SLC8A1: variants seen among roughly 807,000 people sequenced by gnomAD.
SLC8A1 encodes the protein sodium/calcium exchanger 1.
A neutral mutation model predicts 68.3 loss-of-function variants in SLC8A1; 18 were observed. That is an observed-to-expected ratio of 0.26 (90% CI 0.18 to 0.39). The LOEUF is 0.39. Among genes scored for constraint, SLC8A1 ranks in the 10% least tolerant of loss-of-function variants. The pLI is 1.00. For missense variants in SLC8A1, 985 were observed against 1,156.7 expected (o/e 0.85, Z 2.15); for synonymous variants, 475 against 415.5 (o/e 1.14, Z -1.74).
intron 2 of SLC8A1, among the ~76,000 whole-genome samples, chr2:40,276,988 T>C (rs1394949396): frequency 6.6e-6 from 1 of 152,218 alleles, no homozygotes; most frequent in Admixed American, 6.5e-5. Flanking sequence ...AATGAGATTC[T>C]ATGTATCAGC....
chr2:40,237,295 T>C (rs1207449128), intron 2 of SLC8A1, among the ~76,000 whole-genome samples: 4 of 152,094 alleles, frequency 2.6e-5, no homozygotes, highest in African/African-American at 9.7e-5. Context: ...TTGGAGGCTT[T>C]GCTCATTTCT....
intron 2 of SLC8A1, among the ~76,000 whole-genome samples, chr2:40,352,391 T>TA (rs1462304711): frequency 1.3e-5 from 2 of 152,172 alleles, no homozygotes; most frequent in African/African-American, 4.8e-5. Flanking sequence ...ATGGTTACCT[T>TA]ATGCTTCCCG....
chr2:40,224,035 T>C (rs1039485877), intron 2 of SLC8A1, among the ~76,000 whole-genome samples: 4 of 152,104 alleles, frequency 2.6e-5, no homozygotes, highest in Admixed American at 2.6e-4. Flanking sequence ...CAGCATGGTA[T>C]AGCCATAAAT....
At chr2:40,433,623 G>A (rs1172626542) in intron 1 of SLC8A1, among the ~76,000 whole-genome samples, 1 of 152,144 alleles carries the variant, frequency 6.6e-6, no homozygotes, top group East Asian at 1.9e-4. Context: ...TAAATAGTAG[G>A]TACTATTAGC....
chr2:40,176,006 A>G (rs2048407070), intron 3 of SLC8A1: 2 of 447,284 alleles, frequency 4.5e-6, no homozygotes, highest in African/African-American at 4.0e-5. Context: ...ATATCATCCC[A>G]GGAAACTGAC....
In SLC8A1 at chr2:40,280,989, T is replaced by C. The variant is rs79581873; in HGVS notation, c.1809-103134A>G. 4.6e-4 allele frequency among the ~76,000 whole-genome samples: 70 copies of C among 152,354 alleles called. No individual in the cohort carries two copies. In the East Asian group the frequency reaches 0.012, roughly 26 times the overall value. On this transcript the variant is annotated intron_variant, in intron 2 of 7. Transcript: ENST00000406785. ...AATTTTTATTGCTTATCTTTCCTGGTGGACTGTAGCCTACTAGAAGCAGGC... is the reference window on the plus strand; with the variant it reads ...AATTTTTATTGCTTATCTTTCCTGGCGGACTGTAGCCTACTAGAAGCAGGC...
exon 8 of SLC8A1, chr2:40,114,633 C>A (rs2035007960): frequency 6.5e-6 from 1 of 152,728 alleles, no homozygotes; most frequent in Admixed American, 6.5e-5. Context: ...GGCTCCATTC[C>A]ACTTTTATGC....
intron 2 of SLC8A1, among the ~76,000 whole-genome samples, chr2:40,331,889 G>A (rs947209542): frequency 2.5e-4 from 38 of 152,006 alleles, no homozygotes; most frequent in African/African-American, 8.2e-4. Context: ...CACCGTGACC[G>A]GCCTAGGATG....
intron 2 of SLC8A1, among the ~76,000 whole-genome samples, chr2:40,380,967 G>A (rs1389621300): frequency 6.6e-6 from 1 of 152,028 alleles, no homozygotes; most frequent in African/African-American, 2.4e-5. Context: ...CTGACTCACT[G>A]ATTTTCCACA....
intron 2 of SLC8A1, among the ~76,000 whole-genome samples, chr2:40,313,576 T>C (rs2074033401): frequency 6.6e-6 from 1 of 151,686 alleles, no homozygotes; most frequent in Non-Finnish European, 1.5e-5. Flanking sequence ...TGTGGTCAAT[T>C]TTTTTTTAAT....
At chr2:40,439,972 G>T (rs7349326) in intron 1 of SLC8A1, among the ~76,000 whole-genome samples, 89,916 of 151,904 alleles carry the variant, frequency 0.59, 29,453 homozygotes, top group East Asian at 0.93. Context: ...ATATTGTATA[G>T]TATATATTAC....
intron 2 of SLC8A1, among the ~76,000 whole-genome samples, chr2:40,300,522 AGCG>A: frequency 6.6e-6 from 1 of 152,308 alleles, no homozygotes; most frequent in Non-Finnish European, 1.5e-5. Flanking sequence ...TTCGTGCCTC[AGCG>A]TAAGTCTGAA....
At chr2:40,115,259 G>A (rs2035107270) in exon 8 of SLC8A1, 9 of 1,606,164 alleles carry the variant, frequency 5.6e-6, no homozygotes, top group Non-Finnish European at 6.8e-6. Context: ...TCCTTTAGAA[G>A]CCTTTTATGT....
chr2:40,307,540 C>A (rs1455322037), intron 2 of SLC8A1, among the ~76,000 whole-genome samples: 2 of 152,010 alleles, frequency 1.3e-5, no homozygotes, highest in Admixed American at 6.6e-5. Flanking sequence ...TTTTTTACTA[C>A]AATGAAGTTT....
At chr2:40,329,662 T>C (rs1272518268) in intron 2 of SLC8A1, among the ~76,000 whole-genome samples, 2 of 152,186 alleles carry the variant, frequency 1.3e-5, no homozygotes, top group Non-Finnish European at 1.5e-5. Context: ...ACGAGTCCCT[T>C]AGCAAGGATA....
At chr2:40,167,562 A>C (rs2046757857) in intron 4 of SLC8A1, among the ~76,000 whole-genome samples, 1 of 152,166 alleles carries the variant, frequency 6.6e-6, no homozygotes, top group African/African-American at 2.4e-5. Flanking sequence ...TTTCATACTA[A>C]CCTAAAAAAC....
intron 2 of SLC8A1, among the ~76,000 whole-genome samples, chr2:40,365,677 A>G (rs180770303): frequency 3.7e-4 from 57 of 152,170 alleles, no homozygotes; most frequent in Non-Finnish European, 4.3e-4. Context: ...CAAACATGTC[A>G]TTCATTTGCA....
At chr2:40,121,684 G>C (rs530567069) in intron 7 of SLC8A1, among the ~76,000 whole-genome samples, 1 of 152,136 alleles carries the variant, frequency 6.6e-6, no homozygotes, top group Non-Finnish European at 1.5e-5. Flanking sequence ...AATAGGGCCT[G>C]GCACTTAATG....
At chr2:40,244,774 T>C (rs1266303364) in intron 2 of SLC8A1, among the ~76,000 whole-genome samples, 3 of 152,076 alleles carry the variant, frequency 2.0e-5, no homozygotes, top group Admixed American at 6.6e-5. Context: ...AGTAGAGGAT[T>C]AGTTAGCAGA....
Sources: gnomAD v4.1 joint callset for allele counts (sites outside exome capture counted in the v4.1 genomes callset) on GRCh38, gnomAD v4.1.1 for gene constraint, MANE v1.5 for transcripts, NCBI Gene and HGNC (gene_info 2026-07-23, HGNC 2026-07-21) for gene names.